Variants in PDE4D observed in about 807,000 individuals in gnomAD.
PDE4D encodes the protein phosphodiesterase 4D, also known as 3',5'-cyclic-AMP phosphodiesterase 4D.
Under a neutral mutation model 87.4 loss-of-function variants are expected in PDE4D, and 24 were observed. The observed-to-expected ratio is 0.27, with a 90% CI of 0.20 to 0.39. The LOEUF (loss-of-function observed/expected upper bound fraction) is 0.39, where lower values mean the gene tolerates loss of function less well. Ranked by LOEUF, PDE4D falls within the 10% of genes least tolerant of loss-of-function variation. PDE4D has a pLI of 1.00. For synonymous variants in PDE4D, 384 were observed against 383.2 expected (o/e 1.00, Z -0.02); for missense variants, 714 against 1,041.0 (o/e 0.69, Z 4.32).
At chr5:59,556,363 T>A (rs994280216) in intron 1 of PDE4D, among the ~76,000 whole-genome samples, 4 of 152,182 alleles carry the variant, frequency 2.6e-5, no homozygotes, top group South Asian at 4.1e-4. Context: ...TGACTCTCAC[T>A]TATTCAGCAC....
intron 6 of PDE4D, among the ~76,000 whole-genome samples, chr5:59,011,878 G>A (rs1355815717): frequency 1.3e-5 from 2 of 152,128 alleles, no homozygotes; most frequent in African/African-American, 4.8e-5. Flanking sequence ...TGAAATGAAG[G>A]AAAAAATGTT....
intron 1 of PDE4D, among the ~76,000 whole-genome samples, chr5:59,366,967 C>A (rs966234468): frequency 6.6e-6 from 1 of 152,150 alleles, no homozygotes; most frequent in African/African-American, 2.4e-5. Flanking sequence ...ACTGAACACT[C>A]AGCCCATGTT....
chr5:58,976,699 C>G (rs1467604654), intron 12 of PDE4D, among the ~76,000 whole-genome samples: 1 of 152,154 alleles, frequency 6.6e-6, no homozygotes, highest in Non-Finnish European at 1.5e-5. Context: ...GCACTGACAA[C>G]CACTTTCATG....
intron 6 of PDE4D, among the ~76,000 whole-genome samples, chr5:59,003,092 C>T (rs1750876617): frequency 1.3e-5 from 2 of 152,124 alleles, no homozygotes; most frequent in Admixed American, 6.6e-5. Context: ...TGTCTCAGGG[C>T]CAAAATGCTG....
At chr5:60,126,083 A>G (rs916610502) in intron 2 of PDE4D, among the ~76,000 whole-genome samples, 9 of 152,168 alleles carry the variant, frequency 5.9e-5, no homozygotes, top group African/African-American at 2.2e-4. Context: ...TAGCTTCAGA[A>G]GATTTGGTGC....
At chr5:59,693,853 G>T (rs1439394080) in intron 1 of PDE4D, among the ~76,000 whole-genome samples, 5 of 152,162 alleles carry the variant, frequency 3.3e-5, no homozygotes, top group Non-Finnish European at 4.4e-5. Context: ...AATAAGCTCG[G>T]AGTAGTCTAT....
intron 1 of PDE4D, among the ~76,000 whole-genome samples, chr5:59,778,698 G>A (rs1390485663): frequency 6.6e-6 from 1 of 152,132 alleles, no homozygotes; most frequent in African/African-American, 2.4e-5. Flanking sequence ...TAAATGCTGG[G>A]AATATAGTAA....
At chr5:60,044,561 G>A (rs978876716) in intron 2 of PDE4D, among the ~76,000 whole-genome samples, 1 of 145,406 alleles carries the variant, frequency 6.9e-6, no homozygotes, top group African/African-American at 2.6e-5. Context: ...TCCCCTTCCT[G>A]TGTCCATGTG....
intron 5 of PDE4D, among the ~76,000 whole-genome samples, chr5:59,095,199 A>AC (rs1444496956): frequency 6.6e-6 from 1 of 151,524 alleles, no homozygotes; most frequent in Non-Finnish European, 1.5e-5. Flanking sequence ...CTAATGACCC[A>AC]CCATTCAACG....
At chr5:59,563,367 T>C (rs535783862) in intron 1 of PDE4D, among the ~76,000 whole-genome samples, 1 of 152,340 alleles carries the variant, frequency 6.6e-6, no homozygotes, top group South Asian at 2.1e-4. Context: ...AAGCCCACAC[T>C]AGTTAACATA....
chr5:59,168,682 G>C (rs997027359), intron 5 of PDE4D, among the ~76,000 whole-genome samples: 4 of 139,190 alleles, frequency 2.9e-5, no homozygotes, highest in African/African-American at 7.4e-5. Flanking sequence ...AAAAGAAAGA[G>C]AGAGAGAGAG....
intron 2 of PDE4D, among the ~76,000 whole-genome samples, chr5:60,129,499 T>G (rs1230219479): frequency 6.6e-6 from 1 of 152,192 alleles, no homozygotes; most frequent in Non-Finnish European, 1.5e-5. Flanking sequence ...TGCAACTTAA[T>G]TTTTAGCTCT....
At chr5:60,502,343 T>C (rs1750122111) in intron 1 of PDE4D, among the ~76,000 whole-genome samples, 1 of 152,216 alleles carries the variant, frequency 6.6e-6, no homozygotes, top group Non-Finnish European at 1.5e-5. Context: ...GAGGGCTCTG[T>C]TCTGTTCCAT....
chr5:59,097,526 C>T (rs1204601220), intron 5 of PDE4D, among the ~76,000 whole-genome samples: 1 of 152,150 alleles, frequency 6.6e-6, no homozygotes, highest in African/African-American at 2.4e-5. Flanking sequence ...TGAAGAACAC[C>T]ATAACTTGCC....
intron 1 of PDE4D, among the ~76,000 whole-genome samples, chr5:60,381,420 T>C (rs1213452492): frequency 1.3e-5 from 2 of 152,220 alleles, no homozygotes; most frequent in Non-Finnish European, 2.9e-5. Context: ...GCTTTTCAGA[T>C]TTTAGTCTGT....
intron 1 of PDE4D, among the ~76,000 whole-genome samples, chr5:59,477,684 C>A (rs887305080): frequency 6.6e-6 from 1 of 152,088 alleles, no homozygotes; most frequent in African/African-American, 2.4e-5. Flanking sequence ...TTCAACCTAG[C>A]AATCCCATTA....
chr5:60,342,052 A>C (rs1202804334), intron 1 of PDE4D, among the ~76,000 whole-genome samples: 2 of 152,236 alleles, frequency 1.3e-5, no homozygotes, highest in African/African-American at 4.8e-5. Flanking sequence ...TAAAGGACGA[A>C]TGTCATTTTC....
At chr5:59,820,766 T>G (rs1769551700) in intron 1 of PDE4D, among the ~76,000 whole-genome samples, 1 of 152,236 alleles carries the variant, frequency 6.6e-6, no homozygotes. Flanking sequence ...TATATATCTA[T>G]GTATCTTATT....
At chr5:59,569,637 ATCTCTTT>A (rs1821497485) in intron 1 of PDE4D, among the ~76,000 whole-genome samples, 1 of 152,194 alleles carries the variant, frequency 6.6e-6, no homozygotes, top group Admixed American at 6.5e-5. Context: ...CTGGGGCTTA[ATCTCTTT>A]TACTGCAGGT....
Sources: allele counts gnomAD v4.1 joint callset (sites outside exome capture counted in the v4.1 genomes callset), GRCh38; gene constraint gnomAD v4.1.1; transcripts MANE v1.5; gene names NCBI Gene and HGNC (gene_info 2026-07-23, HGNC 2026-07-21).